WDR59: variants seen among roughly 807,000 people sequenced by gnomAD.
WDR59 encodes the protein WD repeat domain 59.
In WDR59, 100 loss-of-function variants were observed where a neutral mutation model predicts 131.2. That is an observed-to-expected ratio of 0.76 (90% confidence interval 0.65 to 0.90). WDR59 has a LOEUF of 0.90. WDR59 is among the 40% of genes least tolerant of loss of function. The pLI is 0.00. For synonymous variants in WDR59, 601 were observed against 466.2 expected (o/e 1.29, Z -3.72); for missense variants, 1,203 against 1,262.2 (o/e 0.95, Z 0.71).
Position 74,942,755 on chromosome 16 carries a change from G to A in WDR59, c.517C>T (p.Arg173Trp), listed in dbSNP as rs746347208. ...CLATSHDGDV[R>W]IWDKRKPSTA... ...TTACTCACCCTCTTATCCCATATCCGCACATCGCCGTCATGGCTGGTGGCA... is the reference window on the plus strand; with the variant it reads ...TTACTCACCCTCTTATCCCATATCCACACATCGCCGTCATGGCTGGTGGCA... Residue 173 changes from arginine (R) to tryptophan (W), a missense_variant, in exon 7 of 26, where the codon CGG (arginine) becomes TGG (tryptophan). Arg to Trp is a moderately radical substitution (Grantham distance 101). Transcript: ENST00000262144. 37 of 1,613,316 alleles carry A rather than the reference G, an allele frequency of 2.3e-5. No homozygotes were observed. Among genetic ancestry groups the A allele is most frequent in the Non-Finnish European group, 2.7e-5 (32 of 1,179,800 alleles).
At chr16:74,889,600 C>T in intron 21 of WDR59, 103 bp downstream of exon 21, 1 of 839,462 alleles carries the variant, frequency 1.2e-6, no homozygotes, top group African/African-American at 1.7e-5. Context: ...TCCTTTCATT[C>T]CTCGGGCCTC....
intron 3 of WDR59, 21 bp from the exon 4 acceptor site, chr16:74,951,564 G>T (rs1001758182): frequency 1.3e-6 from 2 of 1,567,838 alleles, no homozygotes; most frequent in Non-Finnish European, 1.7e-6. Flanking sequence ...AGGAAAGAAG[G>T]CCACAGGCAA....
intron 2 of WDR59, 50 bp downstream of exon 2, chr16:74,965,723 G>C: frequency 6.2e-7 from 1 of 1,609,442 alleles, no homozygotes. Flanking sequence ...ACCCCGATTT[G>C]CAAATCGTTT....
intron 10 of WDR59, among the ~76,000 whole-genome samples, chr16:74,921,635 C>T (rs911937601): frequency 6.6e-6 from 1 of 152,150 alleles, no homozygotes; most frequent in Non-Finnish European, 1.5e-5. Context: ...GACTTCTGAG[C>T]CCAGAGTCTT....
chr16:74,876,071 C>T (rs537918878), intron 25 of WDR59, among the ~76,000 whole-genome samples: 3 of 152,266 alleles, frequency 2.0e-5, no homozygotes, highest in African/African-American at 7.2e-5. Context: ...AATCTCCCAC[C>T]TCTCCTTCCC....
intron 6 of WDR59, among the ~76,000 whole-genome samples, chr16:74,943,562 T>C (rs1404309529): frequency 2.0e-5 from 3 of 152,210 alleles, no homozygotes; most frequent in East Asian, 1.9e-4. Flanking sequence ...CATGGAAAAC[T>C]GGGACACAGT....
At chr16:74,928,518 T>C (rs1425079288) in intron 8 of WDR59, among the ~76,000 whole-genome samples, 1 of 151,968 alleles carries the variant, frequency 6.6e-6, no homozygotes, top group East Asian at 1.9e-4. Flanking sequence ...TGCGCCCAGC[T>C]TTTTTCCCTG....
At chr16:74,902,426 C>T (rs777245034) in intron 18 of WDR59, among the ~76,000 whole-genome samples, 5 of 123,050 alleles carry the variant, frequency 4.1e-5, no homozygotes, top group African/African-American at 1.6e-4. Flanking sequence ...TTTATAATTA[C>T]GGTGTTTGTA....
At chr16:74,918,770 T>C (rs1966512260) in intron 10 of WDR59, among the ~76,000 whole-genome samples, 1 of 152,216 alleles carries the variant, frequency 6.6e-6, no homozygotes, top group Non-Finnish European at 1.5e-5. Context: ...AATTTCTTAA[T>C]TTTATGGATG....
intron 8 of WDR59, among the ~76,000 whole-genome samples, chr16:74,933,906 T>C (rs1424296802): frequency 1.3e-5 from 2 of 152,340 alleles, no homozygotes; most frequent in East Asian, 1.9e-4. Context: ...TAGACCCTTA[T>C]ATAACAACTC....
intron 3 of WDR59, among the ~76,000 whole-genome samples, chr16:74,952,796 T>C (rs1001633460): frequency 5.3e-5 from 8 of 151,550 alleles, no homozygotes; most frequent in African/African-American, 1.9e-4. Context: ...CACATTAGAC[T>C]GATTGTCATT....
intron 6 of WDR59, among the ~76,000 whole-genome samples, chr16:74,944,648 T>C (rs916797537): frequency 6.6e-6 from 1 of 151,936 alleles, no homozygotes; most frequent in Non-Finnish European, 1.5e-5. Context: ...CCCGAGGCTG[T>C]ACCACTCGGG....
Position 74,886,254 on chromosome 16 carries a change from C to G in WDR59, c.2546+16G>C, listed in dbSNP as rs752455760. On this transcript the variant is annotated intron_variant, in intron 24 of 25. Coordinates refer to ENST00000262144, the MANE Select transcript of WDR59 (RefSeq NM_030581.4). Reference sequence around the variant, plus strand: ...GGAGTCCTGGCATTGCAGCTCTCACCTGGGAGGGTGGTTACCTTTTATTTT... The same window carrying G: ...GGAGTCCTGGCATTGCAGCTCTCACGTGGGAGGGTGGTTACCTTTTATTTT... The G allele has an allele frequency of 1.2e-6, 2 of 1,601,184 alleles. No individual in the cohort carries two copies. Among genetic ancestry groups the G allele is most frequent in the African/African-American group, 2.7e-5 (2 of 74,168 alleles).
At chr16:74,918,140 T>C in intron 10 of WDR59, 132 bp from the exon 11 acceptor site, 1 of 782,726 alleles carries the variant, frequency 1.3e-6, no homozygotes, top group South Asian at 1.6e-5. Flanking sequence ...TGCCAGGCAC[T>C]ATTCTAGGTA....
chr16:74,886,160 G>A (rs1017620685), intron 24 of WDR59, 110 bp downstream of exon 24: 39 of 1,279,970 alleles, frequency 3.0e-5, no homozygotes, highest in South Asian at 5.8e-5. Flanking sequence ...CCTAGTGACC[G>A]GGTAAGATTC....
intron 2 of WDR59, among the ~76,000 whole-genome samples, chr16:74,961,788 G>T (rs1036775173): frequency 1.3e-5 from 2 of 152,108 alleles, no homozygotes; most frequent in Non-Finnish European, 2.9e-5. Context: ...AAGCTTATTA[G>T]TTTAATCAGA....
In WDR59 at chr16:74,912,206, G is replaced by A; in HGVS notation, c.1381C>T (p.Leu461=). ...TTITSTMKAK[L]LKILKDTALQ... ...GGAACCCAGACCCCCACCTTCAGCA[G>A]CTTAGCTTTCATGGTGGATGTGATG... The change falls in exon 14 of 26, where the codon CTG becomes TTG. Residue 461 remains leucine (L), a synonymous_variant. Coordinates refer to ENST00000262144, the MANE Select transcript of WDR59 (RefSeq NM_030581.4). The A allele has an allele frequency of 1.9e-6, 3 of 1,614,182 alleles. No individual in the cohort carries two copies. Among genetic ancestry groups the A allele is most frequent in the Non-Finnish European group, 2.5e-6 (3 of 1,180,026 alleles).
intron 1 of WDR59, among the ~76,000 whole-genome samples, chr16:74,977,504 C>T (rs1050830663): frequency 2.0e-5 from 3 of 151,842 alleles, no homozygotes; most frequent in South Asian, 2.1e-4. Context: ...CTGACTAACA[C>T]GGTGAAACTC....
chr16:74,939,145 T>C (rs1236523179), intron 7 of WDR59, among the ~76,000 whole-genome samples: 1 of 151,870 alleles, frequency 6.6e-6, no homozygotes, highest in African/African-American at 2.4e-5. Context: ...CTGGCCAACA[T>C]GGTGAAGCTG....
Sources: gnomAD v4.1 joint callset for allele counts (sites outside exome capture counted in the v4.1 genomes callset) on GRCh38, gnomAD v4.1.1 for gene constraint, MANE v1.5 for transcripts, NCBI Gene and HGNC (gene_info 2026-07-23, HGNC 2026-07-21) for gene names.